MACROD2: variants seen among roughly 807,000 people sequenced by gnomAD.
The protein encoded by MACROD2 is mono-ADP ribosylhydrolase 2.
Under a neutral mutation model 70.4 loss-of-function variants are expected in MACROD2, and 36 were observed. The ratio of observed to expected loss-of-function variants is 0.51; its 90% CI spans 0.39 to 0.68. The LOEUF (loss-of-function observed/expected upper bound fraction) is 0.68. Among genes scored for constraint, MACROD2 ranks in the 30% least tolerant of loss-of-function variants. The pLI is 0.00. For synonymous variants in MACROD2, 172 were observed against 178.8 expected (o/e 0.96, Z 0.30); for missense variants, 496 against 538.4 (o/e 0.92, Z 0.78).
intron 3 of MACROD2, among the ~76,000 whole-genome samples, chr20:14,356,313 A>G (rs1478917112): frequency 6.6e-6 from 1 of 152,078 alleles, no homozygotes; most frequent in African/African-American, 2.4e-5. Context: ...AGTAAGTTTT[A>G]ATAGGTCTTA....
chr20:16,039,858 C>T (rs1243656010), intron 15 of MACROD2, among the ~76,000 whole-genome samples: 1 of 151,862 alleles, frequency 6.6e-6, no homozygotes, highest in Non-Finnish European at 1.5e-5. Flanking sequence ...TCATCTTGTC[C>T]TTGAAGAGTT....
intron 8 of MACROD2, among the ~76,000 whole-genome samples, chr20:15,747,826 TA>T (rs2051207708): frequency 6.6e-6 from 1 of 152,264 alleles, no homozygotes; most frequent in African/African-American, 2.4e-5. Context: ...GTACTTCTAG[TA>T]CAGTGTTGAA....
At chr20:14,828,018 T>C (rs1015241609) in intron 5 of MACROD2, among the ~76,000 whole-genome samples, 4 of 152,086 alleles carry the variant, frequency 2.6e-5, no homozygotes, top group Non-Finnish European at 2.9e-5. Context: ...ATGAAATTAA[T>C]GTGCATTCAT....
intron 5 of MACROD2, among the ~76,000 whole-genome samples, chr20:15,004,131 G>A (rs1047429183): frequency 1.3e-5 from 2 of 152,144 alleles, no homozygotes; most frequent in Non-Finnish European, 1.5e-5. Flanking sequence ...AATGGTTTGA[G>A]TACTAACTCT....
chr20:14,690,295 G>A (rs2123608691), intron 5 of MACROD2, among the ~76,000 whole-genome samples: 1 of 152,176 alleles, frequency 6.6e-6, no homozygotes, highest in East Asian at 1.9e-4. Flanking sequence ...GGCATCAAGG[G>A]GTAATATTGA....
chr20:15,080,131 TAAATA>T (rs1428285882), intron 5 of MACROD2, among the ~76,000 whole-genome samples: 1 of 139,122 alleles, frequency 7.2e-6, no homozygotes, highest in African/African-American at 2.5e-5. Context: ...AATAAATAAA[TAAATA>T]AATAAATAAA....
In MACROD2 at chr20:14,972,352, C is replaced by T. The variant is rs374893115; in HGVS notation, c.419-257588C>T. ...TGTAGCCATCTTTGGAAAATACAAT[C>T]GATTATACCCTCCCTTCCTCTTTCT... On this transcript the variant is annotated intron_variant, in intron 5 of 17. Coordinates refer to ENST00000684519, the MANE Select transcript of MACROD2 (RefSeq NM_001351661.2). 2.8e-4 allele frequency among the ~76,000 whole-genome samples: 42 copies of T among 152,244 alleles called. No homozygotes were observed. The East Asian group carries it at 4.6e-3, about 17-fold the overall frequency.
intron 3 of MACROD2, among the ~76,000 whole-genome samples, chr20:14,089,977 A>G (rs1404988524): frequency 1.3e-5 from 2 of 152,102 alleles, no homozygotes; most frequent in African/African-American, 4.8e-5. Context: ...TGATCCTGTC[A>G]CCTAGGTAAT....
chr20:14,707,610 A>C (rs2071285114), intron 5 of MACROD2, among the ~76,000 whole-genome samples: 1 of 152,016 alleles, frequency 6.6e-6, no homozygotes, highest in South Asian at 2.1e-4. Flanking sequence ...ATCGGGGTGA[A>C]TTTCCCAGCC....
Position 15,828,833 on chromosome 20 carries a change from A to G in MACROD2, c.646-33912A>G, listed in dbSNP as rs77483828. On this transcript the variant is annotated intron_variant, in intron 8 of 17. Transcript: ENST00000684519. ...TAGTAGGCACTTAAATATCTATTGA[A>G]TAAATAGTGGGGATGCATGACTGCA... 2.7e-3 allele frequency among the ~76,000 whole-genome samples: 404 copies of G among 152,354 alleles called. 3 individuals carry two copies. Among genetic ancestry groups the G allele is most frequent in the African/African-American group, 9.3e-3 (386 of 41,592 alleles).
At chr20:14,887,401 T>G (rs1443801498) in intron 5 of MACROD2, among the ~76,000 whole-genome samples, 2 of 1,668 alleles carry the variant, frequency 1.2e-3, no homozygotes, top group Non-Finnish European at 8.7e-4. Context: ...CTTTTTTTGT[T>G]TTTTTTTTTT....
intron 4 of MACROD2, among the ~76,000 whole-genome samples, chr20:14,578,444 T>G (rs1980768131): frequency 6.6e-6 from 1 of 152,164 alleles, no homozygotes; most frequent in South Asian, 2.1e-4. Context: ...ATAATCCAGG[T>G]ATTTTTGACT....
Position 14,551,896 on chromosome 20 carries a change from G to A in MACROD2, c.301+58388G>A, listed in dbSNP as rs111344176. On this transcript the variant is annotated intron_variant, in intron 4 of 17. Transcript: ENST00000684519. ...TAACATTCTTTTGATGACTGTATGT[G>A]CATGAATATGTCTGTAGTTATTTTG... 2.6e-3 allele frequency among the ~76,000 whole-genome samples: 402 copies of A among 152,206 alleles called. 1 individual carries two copies. The highest frequency in any genetic ancestry group is 9.3e-3 in the African/African-American group (386 of 41,524).
chr20:14,833,483 T>A (rs1289139605), intron 5 of MACROD2, among the ~76,000 whole-genome samples: 1 of 152,040 alleles, frequency 6.6e-6, no homozygotes, highest in Admixed American at 6.5e-5. Flanking sequence ...AAAGTGACAG[T>A]TTGGTATATT....
chr20:15,435,050 A>G (rs964253026), intron 7 of MACROD2, among the ~76,000 whole-genome samples: 13 of 152,088 alleles, frequency 8.5e-5, no homozygotes, highest in African/African-American at 3.1e-4. Flanking sequence ...TGAGGGATGT[A>G]AAACTGTCTG....
intron 5 of MACROD2, among the ~76,000 whole-genome samples, chr20:15,054,415 A>G (rs2075466828): frequency 1.3e-5 from 2 of 152,174 alleles, no homozygotes; most frequent in South Asian, 4.1e-4. Flanking sequence ...AGCCATCACC[A>G]TAGAGGCAAG....
chr20:15,830,169 T>C (rs1287879193), intron 8 of MACROD2, among the ~76,000 whole-genome samples: 2 of 152,194 alleles, frequency 1.3e-5, no homozygotes, highest in Non-Finnish European at 2.9e-5. Flanking sequence ...GTGGAGATCA[T>C]GTCAACGCTA....
intron 3 of MACROD2, among the ~76,000 whole-genome samples, chr20:14,383,920 T>C (rs1005285995): frequency 1.3e-5 from 2 of 152,168 alleles, no homozygotes; most frequent in East Asian, 3.9e-4. Context: ...TTAAATCATT[T>C]ACCAGGGTTT....
At chr20:14,601,133 A>ACC (rs995850388) in intron 4 of MACROD2, among the ~76,000 whole-genome samples, 1 of 152,202 alleles carries the variant, frequency 6.6e-6, no homozygotes, top group Non-Finnish European at 1.5e-5. Flanking sequence ...AAAGTCAAGC[A>ACC]CCAGGGCTGA....
Sources: allele counts gnomAD v4.1 joint callset (sites outside exome capture counted in the v4.1 genomes callset), GRCh38; gene constraint gnomAD v4.1.1; transcripts MANE v1.5; gene names NCBI Gene and HGNC (gene_info 2026-07-23, HGNC 2026-07-21).